Variants in BCKDHB observed in about 807,000 individuals in gnomAD.
BCKDHB encodes branched chain keto acid dehydrogenase E1 subunit beta.
BCKDHB carries 41 observed loss-of-function variants against 48.5 expected under a neutral mutation model. The observed-to-expected ratio is 0.85, with a 90% CI of 0.66 to 1.10. The LOEUF is 1.10. BCKDHB is among the 50% of genes least tolerant of loss of function. The pLI is 0.00. For missense variants in BCKDHB, 496 were observed against 494.2 expected (o/e 1.00, Z -0.03); for synonymous variants, 201 against 174.8 (o/e 1.15, Z -1.18).
chr6:80,262,727 A>C (rs923076712), intron 8 of BCKDHB, among the ~76,000 whole-genome samples: 23 of 152,274 alleles, frequency 1.5e-4, no homozygotes, highest in African/African-American at 4.8e-4. Flanking sequence ...TCTCTTTTAT[A>C]ATAACTATTT....
chr6:80,415,841 G>C, the BCKDHB span, among the ~76,000 whole-genome samples: 89 of 151,812 alleles, frequency 5.9e-4, no homozygotes, highest in African/African-American at 1.9e-3. Flanking sequence ...GTTTCCATAG[G>C]AATGATACCA....
At chr6:80,119,025 C>T (rs1769859779) in intron 1 of BCKDHB, among the ~76,000 whole-genome samples, 1 of 152,094 alleles carries the variant, frequency 6.6e-6, no homozygotes, top group African/African-American at 2.4e-5. Context: ...CATGGTGGCT[C>T]ACGCGTGTAG....
At chr6:80,394,907 C>T in the BCKDHB span, among the ~76,000 whole-genome samples, 2 of 152,080 alleles carry the variant, frequency 1.3e-5, no homozygotes, top group African/African-American at 4.8e-5. Flanking sequence ...ATAGTGAGTT[C>T]TCAGGTGATC....
At chr6:80,229,144 CAG>C (rs1209203502) in intron 8 of BCKDHB, among the ~76,000 whole-genome samples, 2 of 152,156 alleles carry the variant, frequency 1.3e-5, no homozygotes, top group African/African-American at 4.8e-5. Context: ...ACAAAGTAAA[CAG>C]AGTAGAAAAT....
At chr6:80,200,848 G>A in intron 6 of BCKDHB, 86 bp from the exon 7 acceptor site, 2 of 1,059,170 alleles carry the variant, frequency 1.9e-6, no homozygotes, top group South Asian at 2.7e-5. Context: ...ATAAAGCTTT[G>A]CTACAGTGAG....
chr6:80,423,607 T>C, the BCKDHB span, among the ~76,000 whole-genome samples: 1 of 152,220 alleles, frequency 6.6e-6, no homozygotes, highest in African/African-American at 2.4e-5. Context: ...CCATATTTAA[T>C]CTCCACATCT....
At chr6:80,421,040 G>C in the BCKDHB span, among the ~76,000 whole-genome samples, 1 of 152,100 alleles carries the variant, frequency 6.6e-6, no homozygotes, top group Non-Finnish European at 1.5e-5. Context: ...GCTCTGATAT[G>C]GTTTGGCTCT....
chr6:80,244,090 C>A (rs1450552135), intron 8 of BCKDHB, among the ~76,000 whole-genome samples: 1 of 152,132 alleles, frequency 6.6e-6, no homozygotes, highest in Non-Finnish European at 1.5e-5. Flanking sequence ...ATAGAAGAAG[C>A]CACTGGGTTT....
Position 80,160,013 on chromosome 6 carries a change from T to G in BCKDHB, c.344-7665T>G, listed in dbSNP as rs532195072. On this transcript the variant is annotated intron_variant, in intron 3 of 9. Coordinates refer to ENST00000320393, the MANE Select transcript of BCKDHB (RefSeq NM_183050.4). ...AGAAGAAATTTAATTTTATCCCAGA[T>G]AGATTTAATAACTTGCAGATCTACT... is the stretch of plus-strand genomic sequence containing the variant. Among the ~76,000 whole-genome samples, 5 of 152,364 alleles carry G rather than the reference T, an allele frequency of 3.3e-5. No individual in the cohort carries two copies. In the South Asian group the frequency reaches 1.0e-3, roughly 32 times the overall value.
chr6:80,383,378 T>G, the BCKDHB span, among the ~76,000 whole-genome samples: 1 of 152,094 alleles, frequency 6.6e-6, no homozygotes, highest in East Asian at 1.9e-4. Context: ...AACATTTTTC[T>G]AGTCTTTTTT....
chr6:80,375,296 G>T, the BCKDHB span, among the ~76,000 whole-genome samples: 1 of 152,078 alleles, frequency 6.6e-6, no homozygotes. Flanking sequence ...TTATTCTTAG[G>T]TTTGGTTGTT....
At chr6:80,169,799 T>G in intron 5 of BCKDHB, 1 of 1,602,830 alleles carries the variant, frequency 6.2e-7, no homozygotes, top group Non-Finnish European at 8.5e-7. Flanking sequence ...TCTTATTTGT[T>G]TTTTCTACCA....
the BCKDHB span, among the ~76,000 whole-genome samples, chr6:80,383,644 T>C: frequency 3.3e-5 from 5 of 152,084 alleles, no homozygotes; most frequent in Non-Finnish European, 5.9e-5. Context: ...TTTCAAAATA[T>C]CCAATCTCTT....
chr6:80,420,753 G>C, the BCKDHB span, among the ~76,000 whole-genome samples: 6 of 152,184 alleles, frequency 3.9e-5, no homozygotes, highest in Non-Finnish European at 5.9e-5. Flanking sequence ...CTATTCAGCT[G>C]TGCTGCCGAT....
chr6:80,283,868 G>A (rs1326914312), intron 9 of BCKDHB, among the ~76,000 whole-genome samples: 1 of 152,084 alleles, frequency 6.6e-6, no homozygotes, highest in Non-Finnish European at 1.5e-5. Context: ...ATGAAAGACA[G>A]CAGATAATGT....
chr6:80,405,913 G>C, the BCKDHB span, among the ~76,000 whole-genome samples: 1 of 152,108 alleles, frequency 6.6e-6, no homozygotes, highest in East Asian at 1.9e-4. Flanking sequence ...TGCCATGTTG[G>C]CTTGCTGCGC....
At chr6:80,322,377 T>C (rs1295615983) in intron 9 of BCKDHB, among the ~76,000 whole-genome samples, 1 of 151,902 alleles carries the variant, frequency 6.6e-6, no homozygotes, top group African/African-American at 2.4e-5. Flanking sequence ...TAGCTGGGAT[T>C]ACAGGCGCGC....
At chr6:80,242,219 T>G (rs1325073321) in intron 8 of BCKDHB, among the ~76,000 whole-genome samples, 1 of 152,200 alleles carries the variant, frequency 6.6e-6, no homozygotes, top group East Asian at 1.9e-4. Context: ...TTAATCATAC[T>G]TGATATATTT....
chr6:80,353,039 T>G, the BCKDHB span, among the ~76,000 whole-genome samples: 1 of 152,244 alleles, frequency 6.6e-6, no homozygotes, highest in African/African-American at 2.4e-5. Context: ...AAGTGATTTC[T>G]CATCATTCAC....
Sources: allele counts gnomAD v4.1 joint callset (sites outside exome capture counted in the v4.1 genomes callset), GRCh38; gene constraint gnomAD v4.1.1; transcripts MANE v1.5; gene names NCBI Gene and HGNC (gene_info 2026-07-23, HGNC 2026-07-21).